DMTN: variants seen among roughly 807,000 people sequenced by gnomAD.
DMTN encodes the protein dematin actin binding protein, also known as dematin.
In DMTN, 27 loss-of-function variants were observed where a neutral mutation model predicts 59.4. That is an observed-to-expected ratio of 0.45 (90% CI 0.33 to 0.63). The LOEUF is 0.63. Ranked by LOEUF, DMTN falls within the 20% of genes least tolerant of loss-of-function variation. DMTN has a pLI of 0.02. For missense variants in DMTN, 451 were observed against 528.9 expected (o/e 0.85, Z 1.45); for synonymous variants, 221 against 203.7 (o/e 1.08, Z -0.72).
At position 22,081,827 on chromosome 8, in the gene DMTN, A is replaced by G. The variant is rs1318583431; in HGVS notation, c.*364A>G. 1 of 475,368 alleles carries G rather than the reference A, an allele frequency of 2.1e-6. No individual in the cohort carries two copies. The highest frequency in any genetic ancestry group is 4.2e-6 in the Non-Finnish European group (1 of 239,658). The allele number at this position is 475,368 out of a possible 1,614,324, so 29.4% of individuals were successfully genotyped here. ...TCTTGAACAGCTGGAGGGAAGATGC[A>G]GGGGTGGGAAGCGGCCAGGCAGAAA... On this transcript the variant is annotated 3_prime_UTR_variant, in exon 16 of 16. Coordinates refer to ENST00000358242, the MANE Select transcript of DMTN (RefSeq NM_001387751.1).
chr8:22,055,297 C>T (rs1381049765), upstream of DMTN, among the ~76,000 whole-genome samples: 4 of 152,068 alleles, frequency 2.6e-5, no homozygotes, highest in African/African-American at 9.7e-5. Context: ...GGTCGGGGTG[C>T]GGCGGGGATC....
chr8:22,081,058 A>C, intron 14 of DMTN, 55 bp from the exon 15 acceptor site: 1 of 1,570,056 alleles, frequency 6.4e-7, no homozygotes, highest in Non-Finnish European at 8.8e-7. Flanking sequence ...AGGCCTAGGG[A>C]GTCGAAGGAC....
At chr8:22,073,152 C>T (rs964853453) in intron 9 of DMTN, among the ~76,000 whole-genome samples, 10 of 152,104 alleles carry the variant, frequency 6.6e-5, no homozygotes, top group Admixed American at 1.3e-4. Flanking sequence ...GGGAGGCCGC[C>T]GTGGTAGAGT....
At chr8:22,064,761 CAG>C (rs905532467) in intron 1 of DMTN, among the ~76,000 whole-genome samples, 10 of 152,112 alleles carry the variant, frequency 6.6e-5, no homozygotes, top group Admixed American at 5.9e-4. Context: ...CCCGGCCTGC[CAG>C]AGTCTTCTTT....
At chr8:22,074,085 G>A (rs1817900545) in intron 10 of DMTN, among the ~76,000 whole-genome samples, 1 of 152,188 alleles carries the variant, frequency 6.6e-6, no homozygotes, top group Non-Finnish European at 1.5e-5. Context: ...TAGGCACTGG[G>A]CATATAAGCA....
chr8:22,067,708 C>T (rs376298773), intron 4 of DMTN, 26 bp downstream of exon 4: 2 of 1,608,924 alleles, frequency 1.2e-6, no homozygotes, highest in Non-Finnish European at 1.7e-6. Context: ...TTGGGCAGGA[C>T]TCCGGGGGAG....
intron 15 of DMTN, 33 bp downstream of exon 15, chr8:22,081,226 G>T: frequency 6.2e-7 from 1 of 1,612,584 alleles, no homozygotes; most frequent in Non-Finnish European, 8.5e-7. Flanking sequence ...ATGGGTGCGG[G>T]GCTGTCCACG....
At position 22,058,130 on chromosome 8, in the gene DMTN, C is replaced by T. The variant is rs1026239689; in HGVS notation, c.-172+994C>T. ...GGGCATGAGCTGGCACACAGGGCTT[C>T]GGAGTCTCCCCGCGTGCATGCGTCC... is the stretch of plus-strand genomic sequence containing the variant. On this transcript the variant is annotated intron_variant, in intron 1 of 15. Coordinates refer to ENST00000358242, the MANE Select transcript of DMTN (RefSeq NM_001387751.1). The surrounding 1 kb of genome is among the most constrained non-coding windows in gnomAD (Gnocchi z 4.3). 3.3e-5 allele frequency among the ~76,000 whole-genome samples: 5 copies of T among 152,086 alleles called. No individual in the cohort carries two copies. The highest frequency in any genetic ancestry group is 1.3e-4 in the Admixed American group (2 of 15,264).
intron 10 of DMTN, among the ~76,000 whole-genome samples, chr8:22,075,516 A>ATTTTTTTTTTT (rs386412281): frequency 2.3e-5 from 2 of 87,726 alleles, no homozygotes; most frequent in Non-Finnish European, 4.0e-5. Context: ...GCCCAGCTAA[A>ATTTTTTTTTTT]TTTTTTTTTT....
At chr8:22,069,207 C>A in intron 5 of DMTN, 147 bp downstream of exon 5, 2 of 1,033,080 alleles carry the variant, frequency 1.9e-6, no homozygotes, top group Non-Finnish European at 2.8e-6. Flanking sequence ...AGCTCTGTGT[C>A]CATCATTCTG....
intron 9 of DMTN, among the ~76,000 whole-genome samples, chr8:22,072,832 T>A (rs1197124748): frequency 1.3e-5 from 2 of 151,918 alleles, no homozygotes; most frequent in East Asian, 3.9e-4. Flanking sequence ...TCGAAGGGGT[T>A]CCTACCCGAA....
chr8:22,079,476 C>G (rs1822684827), intron 10 of DMTN, among the ~76,000 whole-genome samples: 1 of 151,496 alleles, frequency 6.6e-6, no homozygotes, highest in Non-Finnish European at 1.5e-5. Context: ...AACAAACAAA[C>G]AAATATGAAT....
At chr8:22,080,896 T>A (rs1222823083) in intron 14 of DMTN, 26 bp downstream of exon 14, 1 of 1,544,408 alleles carries the variant, frequency 6.5e-7, no homozygotes, top group East Asian at 2.3e-5. Context: ...CACAAGCGCC[T>A]GTAGCGGGGC....
At chr8:22,076,023 G>A (rs1434882684) in intron 10 of DMTN, among the ~76,000 whole-genome samples, 2 of 152,234 alleles carry the variant, frequency 1.3e-5, no homozygotes, top group Non-Finnish European at 2.9e-5. Flanking sequence ...ATCGAATCCA[G>A]TGGCTGATTG....
At chr8:22,079,227 T>C (rs183234120) in intron 10 of DMTN, among the ~76,000 whole-genome samples, 1,793 of 140,914 alleles carry the variant, frequency 0.013, 33 homozygotes, top group African/African-American at 0.045. Flanking sequence ...CTGGGTACCA[T>C]AGTGAGGCCT....
Position 22,080,260 on chromosome 8 carries a change from C to G in DMTN, c.900+16C>G. 1 of 1,614,188 alleles carries G rather than the reference C, an allele frequency of 6.2e-7. No individual in the cohort carries two copies. The highest frequency in any genetic ancestry group is 8.5e-7 in the Non-Finnish European group (1 of 1,180,018). On this transcript the variant is annotated intron_variant, in intron 11 of 15. Coordinates refer to ENST00000358242, the MANE Select transcript of DMTN (RefSeq NM_001387751.1). ...CCTGAGCCGGGTAAGGTCTCAGGAC[C>G]AGAGATATAGACTACGTGGGAGGAA...
chr8:22,053,391 T>C (rs1801560574), upstream of DMTN, among the ~76,000 whole-genome samples: 1 of 152,090 alleles, frequency 6.6e-6, no homozygotes, highest in Non-Finnish European at 1.5e-5. Context: ...AATGGTGGCT[T>C]TGGGGCCCTC....
At chr8:22,080,151 T>C in intron 10 of DMTN, 29 bp from the exon 11 acceptor site, 1 of 1,613,960 alleles carries the variant, frequency 6.2e-7, no homozygotes, top group African/African-American at 1.3e-5. Flanking sequence ...CCAAAGGGAC[T>C]GAACTCAGGA....
At chr8:22,068,811 T>G (rs943795437) in intron 4 of DMTN, among the ~76,000 whole-genome samples, 1 of 152,074 alleles carries the variant, frequency 6.6e-6, no homozygotes, top group Non-Finnish European at 1.5e-5. Context: ...TGAGCAAGGC[T>G]CGCGTGCTTC....
Sources: gnomAD v4.1 joint callset for allele counts (sites outside exome capture counted in the v4.1 genomes callset) on GRCh38, gnomAD v4.1.1 for gene constraint, Gnocchi (gnomAD v3.1) non-coding constraint, MANE v1.5 for transcripts, NCBI Gene and HGNC (gene_info 2026-07-23, HGNC 2026-07-21) for gene names.